Variants in DCTN5 observed in about 807,000 individuals in gnomAD.
DCTN5 encodes the protein dynactin subunit 5.
Under a neutral mutation model 23.5 loss-of-function variants are expected in DCTN5, and 14 were observed. That is an observed-to-expected ratio of 0.60 (90% CI 0.39 to 0.93). DCTN5 has a LOEUF of 0.93. DCTN5 is among the 40% of genes least tolerant of loss of function. The pLI is 0.00. For missense variants in DCTN5, 156 were observed against 225.9 expected (o/e 0.69, Z 1.98); for synonymous variants, 67 against 79.6 (o/e 0.84, Z 0.84).
intron 2 of DCTN5, among the ~76,000 whole-genome samples, chr16:23,648,951 G>A (rs1010245725): frequency 2.6e-5 from 4 of 151,858 alleles, no homozygotes; most frequent in African/African-American, 4.8e-5. Context: ...TCTGCCTCCC[G>A]GGTTCAAGCA....
rs1010065704 is a variant in DCTN5 at position 23,667,502 on chromosome 16, C to T, written c.*358C>T. On this transcript the variant is annotated 3_prime_UTR_variant, in exon 6 of 6. Transcript: ENST00000300087. ...GACCTGCAGAGCAGCAGCACCCTTCCGGTGTGGAGGCTATGTAGCTGGTGC... is the reference window on the plus strand; with the variant it reads ...GACCTGCAGAGCAGCAGCACCCTTCTGGTGTGGAGGCTATGTAGCTGGTGC... The T allele has an allele frequency of 6.9e-5, 16 of 231,026 alleles. No individual in the cohort carries two copies. The highest frequency in any genetic ancestry group is 2.0e-4 in the Admixed American group (4 of 20,166). The allele number at this position is 231,026 out of a possible 1,614,324, so 14.3% of individuals were successfully genotyped here.
At chr16:23,665,478 C>G in intron 4 of DCTN5, 148 bp from the exon 5 acceptor site, 1 of 669,786 alleles carries the variant, frequency 1.5e-6, no homozygotes, top group Non-Finnish European at 2.5e-6. Flanking sequence ...GCCTCCTTCT[C>G]GTCAGGTACC....
intron 2 of DCTN5, among the ~76,000 whole-genome samples, chr16:23,653,182 C>T (rs249871): frequency 0.31 from 46,381 of 152,052 alleles, 7,259 homozygotes; most frequent in East Asian, 0.44. Flanking sequence ...AATTGGGATA[C>T]TCATCACCTT....
Position 23,672,648 on chromosome 16 carries a change from C to A in DCTN5, c.*5504C>A. Reference sequence around the variant, plus strand: ...AGTTGGGTTGGAATTCAAGCTTTGCCACCTGCTGGCTATAAACCTTGGTTG... The same window carrying A: ...AGTTGGGTTGGAATTCAAGCTTTGCAACCTGCTGGCTATAAACCTTGGTTG... On this transcript the variant is annotated 3_prime_UTR_variant, in exon 6 of 6. Transcript: ENST00000300087. 1 of 152,132 alleles carries A rather than the reference C, an allele frequency of 6.6e-6. No homozygotes were observed. The highest frequency in any genetic ancestry group is 1.9e-4 in the East Asian group (1 of 5,198). The allele number at this position is 152,132 out of a possible 1,614,324, so 9.4% of individuals were successfully genotyped here. A position where few individuals can be genotyped will look rare whatever the true frequency, so the allele number is the denominator to read the frequency against.
At chr16:23,651,347 A>G (rs1167311720) in intron 2 of DCTN5, among the ~76,000 whole-genome samples, 2 of 151,610 alleles carry the variant, frequency 1.3e-5, no homozygotes, top group African/African-American at 4.9e-5. Flanking sequence ...CCTCAGCACT[A>G]CTCCTTGTGA....
At chr16:23,650,726 C>T (rs1376734593) in intron 2 of DCTN5, 1 of 1,529,810 alleles carries the variant, frequency 6.5e-7, no homozygotes, top group East Asian at 2.4e-5. Flanking sequence ...TATGAACAAT[C>T]CATTTATATT....
At chr16:23,661,145 T>A in intron 3 of DCTN5, 25 bp from the exon 4 acceptor site, 1 of 1,532,732 alleles carries the variant, frequency 6.5e-7, no homozygotes, top group Non-Finnish European at 9.0e-7. Flanking sequence ...GACCTTTCTG[T>A]GTTCATCTTC....
chr16:23,666,409 A>G (rs1189686053), intron 5 of DCTN5: 1 of 153,384 alleles, frequency 6.5e-6, no homozygotes, highest in Non-Finnish European at 1.5e-5. Context: ...CTCACAAGTA[A>G]AGCCCATCAG....
At chr16:23,655,054 A>G (rs1967676206) in intron 2 of DCTN5, among the ~76,000 whole-genome samples, 1 of 152,210 alleles carries the variant, frequency 6.6e-6, no homozygotes, top group African/African-American at 2.4e-5. Flanking sequence ...TCGCCCATTC[A>G]TGGATATCTG....
At chr16:23,657,072 C>T (rs1256128896) in intron 2 of DCTN5, among the ~76,000 whole-genome samples, 1 of 152,000 alleles carries the variant, frequency 6.6e-6, no homozygotes, top group Non-Finnish European at 1.5e-5. Context: ...TTCCTCAGGT[C>T]TCTCACCTGT....
intron 2 of DCTN5, among the ~76,000 whole-genome samples, chr16:23,646,058 A>G (rs78530804): frequency 0.034 from 5,223 of 152,286 alleles, 113 homozygotes; most frequent in Middle Eastern, 0.095. Context: ...AGCATTGTGC[A>G]GGGTTCCAAT....
intron 1 of DCTN5, 153 bp from the exon 2 acceptor site, chr16:23,642,802 A>G (rs762168007): frequency 3.8e-5 from 24 of 639,146 alleles, no homozygotes; most frequent in Non-Finnish European, 6.4e-5. Flanking sequence ...TTCCTAATCC[A>G]TCATTGCTTT....
At position 23,670,271 on chromosome 16, in the gene DCTN5, G is replaced by A. The variant is rs781084962; in HGVS notation, c.*3127G>A. The A allele has an allele frequency of 1.3e-5, 2 of 152,296 alleles. No individual in the cohort carries two copies. Among genetic ancestry groups the A allele is most frequent in the African/African-American group, 4.8e-5 (2 of 41,424 alleles). 9.4% of individuals were successfully genotyped at this position (152,296 alleles called of 1,614,324 possible). On this transcript the variant is annotated 3_prime_UTR_variant, in exon 6 of 6. Transcript: ENST00000300087. ...TTTTACATGGCTGCACAGAGCCCTT[G>A]TGGTTATTTGGGGTTGGGGTGGTGG... is the stretch of plus-strand genomic sequence containing the variant.
At chr16:23,646,039 G>T (rs189988428) in intron 2 of DCTN5, among the ~76,000 whole-genome samples, 83 of 152,100 alleles carry the variant, frequency 5.5e-4, no homozygotes, top group Non-Finnish European at 1.0e-3. Flanking sequence ...ACCATTTTAC[G>T]TTTCCACCAG....
intron 2 of DCTN5, among the ~76,000 whole-genome samples, chr16:23,645,083 C>CTATATA (rs869302728): frequency 5.7e-4 from 19 of 33,106 alleles, no homozygotes; most frequent in Non-Finnish European, 7.4e-4. Flanking sequence ...CCCAGCCTAA[C>CTATATA]TATATATATA....
chr16:23,650,815 T>G, intron 2 of DCTN5: 1 of 1,519,436 alleles, frequency 6.6e-7, no homozygotes, highest in Admixed American at 2.0e-5. Flanking sequence ...CCTGCAGGGA[T>G]AGAAAGAGAT....
At position 23,657,716 on chromosome 16, in the gene DCTN5, A is replaced by G. The variant is rs998359207; in HGVS notation, c.118-791A>G. ...TTCGGCCTCCCAAAGTGTTGGGATT[A>G]CAGGCGTAAGCTACCGCACCTGGCC... On this transcript the variant is annotated intron_variant, in intron 2 of 5. Coordinates refer to ENST00000300087, the MANE Select transcript of DCTN5 (RefSeq NM_032486.4). 5 of 213,134 alleles carry G rather than the reference A, an allele frequency of 2.3e-5. No homozygotes were observed. The East Asian group carries it at 6.9e-4, about 29-fold the overall frequency. 13.2% of individuals were successfully genotyped at this position (213,134 alleles called of 1,614,324 possible). A position where few individuals can be genotyped will look rare whatever the true frequency, so the allele number is the denominator to read the frequency against.
intron 4 of DCTN5, among the ~76,000 whole-genome samples, chr16:23,665,231 A>G (rs1449705093): frequency 6.6e-6 from 1 of 152,164 alleles, no homozygotes; most frequent in Non-Finnish European, 1.5e-5. Context: ...GGTGAAGCAC[A>G]TGGATGAGAT....
intron 4 of DCTN5, among the ~76,000 whole-genome samples, chr16:23,664,238 G>C (rs1490183319): frequency 6.6e-6 from 1 of 152,238 alleles, no homozygotes; most frequent in Non-Finnish European, 1.5e-5. Flanking sequence ...AGCTAAAGAT[G>C]TTGCTGAGTA....
Sources: gnomAD v4.1 joint callset for allele counts (sites outside exome capture counted in the v4.1 genomes callset) on GRCh38, gnomAD v4.1.1 for gene constraint, MANE v1.5 for transcripts, NCBI Gene and HGNC (gene_info 2026-07-23, HGNC 2026-07-21) for gene names.